The following MYOM3 variants were observed in gnomAD, a reference collection of about 807,000 sequenced individuals.
The protein encoded by MYOM3 is myomesin 3, also known as myomesin-3.
Under a neutral mutation model 191.7 loss-of-function variants are expected in MYOM3, and 155 were observed. That is an observed-to-expected ratio of 0.81 (90% CI 0.71 to 0.92). The LOEUF (loss-of-function observed/expected upper bound fraction) is 0.92. MYOM3 is among the 40% of genes least tolerant of loss of function. MYOM3 has a pLI of 0.00. For synonymous variants in MYOM3, 757 were observed against 762.9 expected, an observed-to-expected ratio of 0.99 and a Z score of 0.13; for missense variants, 1,889 against 1,890.6, an observed-to-expected ratio of 1.00 and a Z score of 0.02.
chr1:24,082,623 T>G lies in MYOM3; in HGVS notation c.2062A>C (p.Thr688Pro), dbSNP rs1302888413. The G allele has an allele frequency of 6.2e-7, 1 of 1,611,576 alleles. No homozygotes were observed. The highest frequency in any genetic ancestry group is 1.1e-5 in the South Asian group (1 of 90,580). Reference protein sequence around the residue: ...EAGVGESSAATEPIRVKQALA... With the variant: ...EAGVGESSAAPEPIRVKQALA... ...GCCTGCTTGACCCTGATGGGCTCGG[T>G]GGCGGCTGAGCTCTCGCCTACCCCA... is the stretch of plus-strand genomic sequence containing the variant. Residue 688 changes from threonine to proline, a missense_variant, in exon 17 of 37, where the codon ACC becomes CCC. By Grantham distance (38) the Thr-to-Pro change is conservative. Transcript: ENST00000374434.
At chr1:24,085,126 A>ATGGC (rs1475663404) in intron 15 of MYOM3, among the ~76,000 whole-genome samples, 2 of 148,556 alleles carry the variant, frequency 1.3e-5, no homozygotes, top group African/African-American at 5.2e-5. Flanking sequence ...GGATGGATGG[A>ATGGC]TGGATGGATG....
chr1:24,061,458 C>T (rs112857909), intron 33 of MYOM3, 149 bp from the exon 34 acceptor site: 69 of 758,914 alleles, frequency 9.1e-5, no homozygotes, highest in Admixed American at 2.1e-4. Context: ...GGCAGGACTG[C>T]GTGGGAGGGT....
chr1:24,062,216 G>A, intron 32 of MYOM3, 107 bp from the exon 33 acceptor site: 1 of 1,224,850 alleles, frequency 8.2e-7, no homozygotes. Context: ...CACGGGCTAT[G>A]GGTGGTGACT....
intron 20 of MYOM3, among the ~76,000 whole-genome samples, chr1:24,076,675 G>A (rs1342730971): frequency 3.8e-5 from 4 of 105,698 alleles, no homozygotes; most frequent in South Asian, 2.5e-4. Context: ...CACTACGCCC[G>A]GCTAATTTTT....
intron 20 of MYOM3, 129 bp downstream of exon 20, chr1:24,079,887 C>T (rs563071748): frequency 1.3e-5 from 12 of 895,332 alleles, no homozygotes; most frequent in Non-Finnish European, 1.8e-5. Flanking sequence ...CTAGGTAAAT[C>T]GCTCTTCCTC....
intron 32 of MYOM3, among the ~76,000 whole-genome samples, chr1:24,062,359 T>A (rs1643380939): frequency 6.6e-6 from 1 of 152,214 alleles, no homozygotes; most frequent in Non-Finnish European, 1.5e-5. Flanking sequence ...CAGTGTTGTG[T>A]TGCAGAGGTG....
In MYOM3 at chr1:24,082,012, G is replaced by A. The variant is rs548809586; in HGVS notation, c.2269C>T (p.Arg757Trp). The A allele has an allele frequency of 3.1e-6, 5 of 1,610,176 alleles. No individual in the cohort carries two copies. Among genetic ancestry groups the A allele is most frequent in the Non-Finnish European group, 3.4e-6 (4 of 1,178,996 alleles). Residue 757 changes from arginine (R) to tryptophan (W), a missense_variant, in exon 18 of 37, where the codon CGG becomes TGG. Arg to Trp is a moderately radical substitution (Grantham distance 101). Transcript: ENST00000374434. ...CCTTCCAGCCCTACCTTGCAGACCC[G>A]GGTGGGGATGGGCTGCTGATTGACC... ...HAVNQQPIPT[R>W]VCKVSDLHEG...
Position 24,063,526 on chromosome 1 carries a change from C to T in MYOM3, c.3627G>A (p.Leu1209=). ...TGCCCAACTCGGTGAAGATGGCATC[C>T]AGGGCTGGCGGGAAACAGAGAGAAG... ...DTILDLTGDA[L]DAIFTELGRI... The change falls in exon 31 of 37, where the codon CTG becomes CTA. Residue 1209 remains leucine, a synonymous_variant. Coordinates refer to ENST00000374434, the MANE Select transcript of MYOM3 (RefSeq NM_152372.4). This position sits in a 1 kb window ranked among gnomAD's most constrained non-coding sequence, Gnocchi z 4.5. The T allele has an allele frequency of 1.2e-6, 2 of 1,614,128 alleles. No homozygotes were observed. The highest frequency in any genetic ancestry group is 2.7e-5 in the African/African-American group (2 of 75,030).
At chr1:24,081,902 A>ACTTCTGTCAG in intron 18 of MYOM3, 99 bp downstream of exon 18, 1 of 1,194,272 alleles carries the variant, frequency 8.4e-7, no homozygotes, top group Non-Finnish European at 1.2e-6. Flanking sequence ...GGAACTTGAG[A>ACTTCTGTCAG]CTTCTGTCAG....
At chr1:24,060,713 C>T (rs745767028) in intron 35 of MYOM3, among the ~76,000 whole-genome samples, 2 of 152,208 alleles carry the variant, frequency 1.3e-5, no homozygotes, top group Non-Finnish European at 2.9e-5. Flanking sequence ...GGCTCCAATA[C>T]CTCGAGAGCC....
intron 14 of MYOM3, among the ~76,000 whole-genome samples, chr1:24,089,073 A>G (rs867590993): frequency 6.6e-5 from 10 of 151,634 alleles, no homozygotes; most frequent in African/African-American, 2.4e-4. Flanking sequence ...CCCTGCCCCC[A>G]CTCCCCAGTG....
At chr1:24,077,350 C>T (rs1460123633) in intron 20 of MYOM3, among the ~76,000 whole-genome samples, 1 of 152,244 alleles carries the variant, frequency 6.6e-6, no homozygotes, top group Non-Finnish European at 1.5e-5. Context: ...TACCTATAAT[C>T]TTCCTAACCT....
At chr1:24,067,312 CTTTCTTTCT>C in intron 27 of MYOM3, among the ~76,000 whole-genome samples, 2 of 120,284 alleles carry the variant, frequency 1.7e-5, no homozygotes, top group African/African-American at 7.5e-5. Context: ...TTCCTTCTTT[CTTTCTTTCT>C]TTCCTTCTTT....
intron 23 of MYOM3, among the ~76,000 whole-genome samples, chr1:24,073,755 T>C (rs1349815844): frequency 2.0e-5 from 3 of 150,218 alleles, no homozygotes; most frequent in African/African-American, 7.4e-5. Context: ...TCCAGCTACT[T>C]GGGAGGCTCA....
chr1:24,064,503 T>C (rs1643411460), intron 29 of MYOM3, among the ~76,000 whole-genome samples: 1 of 152,200 alleles, frequency 6.6e-6, no homozygotes, highest in Non-Finnish European at 1.5e-5. Context: ...AGAGCTTGTC[T>C]GGGCCTGGCC....
At position 24,075,441 on chromosome 1, in the gene MYOM3, C is replaced by T. The variant is rs750265223; in HGVS notation, c.2736G>A (p.Glu912=). 5 of 1,599,682 alleles carry T rather than the reference C, an allele frequency of 3.1e-6. No individual in the cohort carries two copies. Among genetic ancestry groups the T allele is most frequent in the East Asian group, 2.2e-5 (1 of 44,614 alleles). ...AHEIEVGVDE[E]GFIYLAFEAP... is the part of the protein sequence containing the mutation. ...CTTCAAAAGCCAAATAGATAAAGCCCTCTTCATCCACACCAACCTCGATCT... is the reference window on the plus strand; with the variant it reads ...CTTCAAAAGCCAAATAGATAAAGCCTTCTTCATCCACACCAACCTCGATCT... Residue 912 remains glutamate (E), a synonymous_variant, in exon 22 of 37, where the codon GAG becomes GAA. Coordinates refer to ENST00000374434, the MANE Select transcript of MYOM3 (RefSeq NM_152372.4).
Position 24,061,292 on chromosome 1 carries a change from C to A in MYOM3, c.3952G>T (p.Ala1318Ser), listed in dbSNP as rs918896689. The change falls in exon 34 of 37, where the codon GCT becomes TCT. Residue 1318 changes from alanine (A) to serine (S), a missense_variant. Coordinates refer to ENST00000374434, the MANE Select transcript of MYOM3 (RefSeq NM_152372.4). ...ACTTACTTCAGTCTCTGGTGTTCAG[C>A]CATTGCATCCTCAAAAGCTATAAGA... ...LSGQAFEDAMAEHQRLKTLAI... is the reference protein window; with the variant it reads ...LSGQAFEDAMSEHQRLKTLAI... 1 of 1,614,082 alleles carries A rather than the reference C, an allele frequency of 6.2e-7. No individual in the cohort carries two copies. The highest frequency in any genetic ancestry group is 8.5e-7 in the Non-Finnish European group (1 of 1,180,004).
intron 7 of MYOM3, among the ~76,000 whole-genome samples, chr1:24,095,822 C>T (rs959453364): frequency 2.0e-5 from 3 of 152,208 alleles, no homozygotes; most frequent in Non-Finnish European, 2.9e-5. Flanking sequence ...CGGTCAAGCC[C>T]GCTCAGAGGC....
chr1:24,063,940 A>C lies in MYOM3; in HGVS notation c.3622+132T>G. 1.4e-6 allele frequency: 1 copy of C among 732,750 alleles called. No individual in the cohort carries two copies. Among genetic ancestry groups the C allele is most frequent in the Non-Finnish European group, 2.3e-6 (1 of 438,144 alleles). The allele number at this position is 732,750 out of a possible 1,614,324, so 45.4% of individuals were successfully genotyped here. ...CTGACTAGATGTGGAATCTTGGGCA[A>C]GTTACTTAATCTCTTTGTGCCTCAA... is the stretch of plus-strand genomic sequence containing the variant. On this transcript the variant is annotated intron_variant, in intron 30 of 36. Coordinates refer to ENST00000374434, the MANE Select transcript of MYOM3 (RefSeq NM_152372.4). This position sits in a 1 kb window ranked among gnomAD's most constrained non-coding sequence, Gnocchi z 4.5.
Sources: allele counts gnomAD v4.1 joint callset (sites outside exome capture counted in the v4.1 genomes callset), GRCh38; gene constraint gnomAD v4.1.1; non-coding constraint Gnocchi (gnomAD v3.1); transcripts MANE v1.5; gene names NCBI Gene and HGNC (gene_info 2026-07-23, HGNC 2026-07-21).